Variants in SEMA4F observed in about 807,000 individuals in gnomAD.
The protein encoded by SEMA4F is ssemaphorin 4F.
Under a neutral mutation model 78.4 loss-of-function variants are expected in SEMA4F, and 51 were observed. The observed-to-expected ratio is 0.65, with a 90% CI of 0.52 to 0.82. The LOEUF is 0.82. SEMA4F is among the 40% of genes least tolerant of loss of function. SEMA4F has a pLI of 0.00. For synonymous variants in SEMA4F, 418 were observed against 408.7 expected, an observed-to-expected ratio of 1.02 and a Z score of -0.27; for missense variants, 938 against 1,014.4, an observed-to-expected ratio of 0.92 and a Z score of 1.02.
At chr2:74,702,700 C>T in the SEMA4F span, among the ~76,000 whole-genome samples, 5 of 152,166 alleles carry the variant, frequency 3.3e-5, no homozygotes, top group African/African-American at 1.2e-4. Context: ...ACTTTCCAGA[C>T]GATTCATAGA....
intron 2 of SEMA4F, 62 bp downstream of exon 2, chr2:74,656,747 A>T: frequency 1.9e-6 from 3 of 1,563,244 alleles, no homozygotes; most frequent in Non-Finnish European, 2.6e-6. Context: ...CTATGATTTT[A>T]TGAGTGTGTG....
the SEMA4F span, among the ~76,000 whole-genome samples, chr2:74,693,606 C>G: frequency 6.6e-6 from 1 of 152,204 alleles, no homozygotes; most frequent in Non-Finnish European, 1.5e-5. Context: ...TGTGAATGTC[C>G]TAGTGCTGAA....
At chr2:74,672,698 GTC>G (rs907575614) in intron 5 of SEMA4F, among the ~76,000 whole-genome samples, 51 of 152,140 alleles carry the variant, frequency 3.4e-4, no homozygotes, top group African/African-American at 1.2e-3. Flanking sequence ...TCTGTGATTT[GTC>G]TCTTACTCAG....
intron 5 of SEMA4F, among the ~76,000 whole-genome samples, chr2:74,666,330 C>G (rs1309261974): frequency 3.3e-5 from 5 of 151,982 alleles, no homozygotes; most frequent in Non-Finnish European, 7.4e-5. Context: ...AAATGTGCTG[C>G]TGAAGCGAGC....
the SEMA4F span, among the ~76,000 whole-genome samples, chr2:74,692,623 T>C: frequency 6.6e-6 from 1 of 152,202 alleles, no homozygotes; most frequent in South Asian, 2.1e-4. Flanking sequence ...GGGAGTTCTT[T>C]GCAAACAGCT....
At chr2:74,708,584 G>A in the SEMA4F span, among the ~76,000 whole-genome samples, 2 of 152,072 alleles carry the variant, frequency 1.3e-5, no homozygotes, top group African/African-American at 4.8e-5. Context: ...TTCCTGACTG[G>A]CACAGTGTCA....
At chr2:74,707,123 A>T in the SEMA4F span, among the ~76,000 whole-genome samples, 1 of 152,226 alleles carries the variant, frequency 6.6e-6, no homozygotes, top group Non-Finnish European at 1.5e-5. Context: ...TCTGGGTTGG[A>T]AAAAATTACT....
At chr2:74,654,600 G>A in intron 1 of SEMA4F, 79 bp downstream of exon 1, 1 of 1,286,452 alleles carries the variant, frequency 7.8e-7, no homozygotes, top group South Asian at 1.6e-5. Flanking sequence ...AGACCGCTCG[G>A]CCGGACCCGG....
At chr2:74,672,104 G>T (rs893928479) in intron 5 of SEMA4F, among the ~76,000 whole-genome samples, 1 of 152,148 alleles carries the variant, frequency 6.6e-6, no homozygotes, top group Non-Finnish European at 1.5e-5. Flanking sequence ...ATTCTTACCT[G>T]CAGGGTAAAG....
At chr2:74,671,178 A>T (rs1558728134) in intron 5 of SEMA4F, among the ~76,000 whole-genome samples, 2 of 152,254 alleles carry the variant, frequency 1.3e-5, no homozygotes, top group East Asian at 3.9e-4. Context: ...CTGGCTCCCA[A>T]ACACTTGGAT....
At chr2:74,698,768 C>T in the SEMA4F span, among the ~76,000 whole-genome samples, 1 of 152,106 alleles carries the variant, frequency 6.6e-6, no homozygotes, top group Admixed American at 6.5e-5. Context: ...CACTTGAGAA[C>T]GTATTCAATT....
chr2:74,700,279 G>C, the SEMA4F span, among the ~76,000 whole-genome samples: 1 of 152,252 alleles, frequency 6.6e-6, no homozygotes, highest in East Asian at 1.9e-4. Flanking sequence ...TTGCCTTGAC[G>C]TAGTAGATGA....
At chr2:74,692,546 T>G in the SEMA4F span, among the ~76,000 whole-genome samples, 1 of 152,276 alleles carries the variant, frequency 6.6e-6, no homozygotes, top group South Asian at 2.1e-4. Context: ...AGGCAAAGGC[T>G]TCTGTTGGAT....
At position 74,675,461 on chromosome 2, in the gene SEMA4F, T is replaced by C. The variant is rs192485919; in HGVS notation, c.1373-64T>C. ...CACAGAGAGGGTACTGTAATACATA[T>C]AGGTCTGAGTCCCAGGCACAGGGGC... On this transcript the variant is annotated intron_variant, in intron 10 of 13. Transcript: ENST00000357877. 3.6e-5 allele frequency: 58 copies of C among 1,590,248 alleles called. No individual in the cohort carries two copies. The East Asian group carries it at 5.8e-4, about 16-fold the overall frequency.
In SEMA4F at chr2:74,680,201, TC is replaced by T; in HGVS notation, c.2307del (p.Ile770SerfsTer11). The T allele has an allele frequency of 6.4e-7, 1 of 1,572,230 alleles. No homozygotes were observed. The highest frequency in any genetic ancestry group is 8.7e-7 in the Non-Finnish European group (1 of 1,154,324). ...TCCTCTAGCCACATGTGATGAAACATCCATCTAGAGCTGGGCAAATGACCAC... is the reference window on the plus strand; with the variant it reads ...TCCTCTAGCCACATGTGATGAAACATCATCTAGAGCTGGGCAAATGACCAC... ...GAPLATCDET[S>X]I On this transcript the variant is annotated frameshift_variant, in exon 14 of 14. Transcript: ENST00000357877. LOFTEE classifies it high-confidence loss of function.
chr2:74,671,689 C>G (rs759853217), intron 5 of SEMA4F, among the ~76,000 whole-genome samples: 10 of 152,238 alleles, frequency 6.6e-5, no homozygotes, highest in Non-Finnish European at 1.0e-4. Flanking sequence ...TCCAGGATCT[C>G]TGACTGATAT....
At chr2:74,662,881 C>A in intron 5 of SEMA4F, 56 bp downstream of exon 5, 1 of 1,390,388 alleles carries the variant, frequency 7.2e-7, no homozygotes, top group Non-Finnish European at 1.0e-6. Flanking sequence ...CCTTCCCCAC[C>A]CTTGCTGTTA....
chr2:74,662,746 C>G lies in SEMA4F; in HGVS notation c.471C>G (p.Phe157Leu), dbSNP rs766062060. The change falls in exon 5 of 14, where the codon TTC becomes TTG. Residue 157 changes from phenylalanine (F) to leucine (L), a missense_variant. Phe to Leu is a conservative substitution (Grantham distance 22, BLOSUM62 0). Transcript: ENST00000357877. ...CTGGTCTATAGGATGTGTCCAGGTT[C>G]CAGCAGGTTGAAAGACTTGAGAGTG... ...PKCGVIDVSR[F>L]QQVERLESGR... The G allele has an allele frequency of 1.2e-6, 2 of 1,614,116 alleles. No homozygotes were observed. The highest frequency in any genetic ancestry group is 1.7e-6 in the Non-Finnish European group (2 of 1,179,978).
intron 3 of SEMA4F, 56 bp from the exon 4 acceptor site, chr2:74,657,797 T>G (rs547315368): frequency 2.0e-6 from 3 of 1,534,066 alleles, no homozygotes; most frequent in East Asian, 2.2e-5. Flanking sequence ...TGACGTTACC[T>G]TACCCTTCCT....
Sources: allele counts gnomAD v4.1 joint callset (sites outside exome capture counted in the v4.1 genomes callset), GRCh38; gene constraint gnomAD v4.1.1; transcripts MANE v1.5; gene names NCBI Gene and HGNC (gene_info 2026-07-23, HGNC 2026-07-21).